Variants in DOCK9 observed in about 807,000 individuals in gnomAD.
DOCK9 encodes the protein dedicator of cytokinesis 9, also known as dedicator of cytokinesis protein 9.
A neutral mutation model predicts 263.3 loss-of-function variants in DOCK9; 89 were observed. The ratio of observed to expected loss-of-function variants is 0.34; its 90% CI spans 0.28 to 0.40. The LOEUF is 0.40. DOCK9 is among the 10% of genes least tolerant of loss of function. The probability of loss-of-function intolerance (pLI) is 1.00; values close to 1 mark genes in which losing one functional copy is unlikely to be tolerated. For synonymous variants in DOCK9, 976 were observed against 973.1 expected (o/e 1.00, Z -0.06); for missense variants, 2,140 against 2,603.4 (o/e 0.82, Z 3.87).
intron 1 of DOCK9, among the ~76,000 whole-genome samples, chr13:99,061,271 A>G (rs188925802): frequency 1.3e-5 from 2 of 152,312 alleles, no homozygotes; most frequent in African/African-American, 4.8e-5. Flanking sequence ...AAGGATGTCA[A>G]GGACTGCTGT....
intron 1 of DOCK9, among the ~76,000 whole-genome samples, chr13:99,079,957 T>C (rs1046686355): frequency 1.3e-5 from 2 of 152,160 alleles, no homozygotes; most frequent in African/African-American, 4.8e-5. Context: ...GGAGAATCAC[T>C]TGAGCCCGGA....
chr13:98,995,089 T>C (rs1382773476), intron 1 of DOCK9, among the ~76,000 whole-genome samples: 2 of 152,216 alleles, frequency 1.3e-5, no homozygotes, highest in African/African-American at 4.8e-5. Context: ...TAGAAGTGTA[T>C]CTGCTAGATA....
chr13:99,084,994 G>A (rs1207588256), intron 1 of DOCK9, among the ~76,000 whole-genome samples: 1 of 152,186 alleles, frequency 6.6e-6, no homozygotes, highest in Non-Finnish European at 1.5e-5. Context: ...TGTTTACTAT[G>A]GATCAAACTG....
intron 1 of DOCK9, among the ~76,000 whole-genome samples, chr13:99,019,619 ATT>A (rs1007528436): frequency 2.0e-5 from 3 of 152,156 alleles, no homozygotes; most frequent in African/African-American, 7.2e-5. Context: ...CTCTCAAGCC[ATT>A]TTAGGACCTC....
At chr13:98,820,424 A>C (rs1334393644) in intron 45 of DOCK9, among the ~76,000 whole-genome samples, 1 of 152,230 alleles carries the variant, frequency 6.6e-6, no homozygotes, top group Non-Finnish European at 1.5e-5. Context: ...AGGGGTCCCA[A>C]TCCAGATCCC....
At chr13:98,874,316 A>G (rs2094269613) in intron 27 of DOCK9, among the ~76,000 whole-genome samples, 1 of 152,194 alleles carries the variant, frequency 6.6e-6, no homozygotes, top group Admixed American at 6.5e-5. Context: ...TGCATGACTC[A>G]CTACTTTGTT....
At chr13:99,017,232 T>C (rs1885530011) in intron 1 of DOCK9, among the ~76,000 whole-genome samples, 1 of 152,298 alleles carries the variant, frequency 6.6e-6, no homozygotes, top group South Asian at 2.1e-4. Flanking sequence ...AGAATCTTCA[T>C]GCGAAATCAC....
intron 44 of DOCK9, among the ~76,000 whole-genome samples, chr13:98,826,189 G>A (rs770458334): frequency 5.4e-4 from 82 of 152,050 alleles, no homozygotes; most frequent in Non-Finnish European, 1.0e-3. Context: ...TGTAACTCAC[G>A]CAGACTACCA....
Position 98,957,872 on chromosome 13 carries a change from G to C in DOCK9, c.127-2321C>G, listed in dbSNP as rs376558915. 1.6e-3 allele frequency among the ~76,000 whole-genome samples: 237 copies of C among 152,308 alleles called. 8 individuals are homozygous for C. The South Asian group carries it at 0.046, about 30-fold the overall frequency. ...ACTCCATGTTCTCCCTGGCTTATGT[G>C]GTGGCTGCCCCATAACCACAGGCCA... On this transcript the variant is annotated intron_variant, in intron 1 of 52. Coordinates refer to ENST00000682017, the MANE Select transcript of DOCK9 (RefSeq NM_001366683.2).
intron 24 of DOCK9, 76 bp from the exon 25 acceptor site, chr13:98,881,703 G>C: frequency 7.0e-7 from 1 of 1,420,702 alleles, no homozygotes; most frequent in Non-Finnish European, 9.7e-7. Context: ...AGCAGTAGTA[G>C]AACAATGATG....
intron 35 of DOCK9, among the ~76,000 whole-genome samples, chr13:98,850,755 A>G (rs1337585678): frequency 1.3e-5 from 2 of 152,216 alleles, no homozygotes; most frequent in Non-Finnish European, 2.9e-5. Context: ...TACCTACAGG[A>G]TAAGTTCTCT....
At chr13:98,959,285 G>C (rs1407532619) in intron 1 of DOCK9, 1 of 152,216 alleles carries the variant, frequency 6.6e-6, no homozygotes, top group Non-Finnish European at 1.5e-5. Flanking sequence ...GTTAAAGACT[G>C]GTCATGCAGT....
chr13:98,857,202 G>A (rs1006617371), intron 33 of DOCK9: 1 of 152,256 alleles, frequency 6.6e-6, no homozygotes, highest in Non-Finnish European at 1.5e-5. Context: ...TCTGGCAGCT[G>A]TGAGCACACA....
Position 98,962,633 on chromosome 13 carries a change from G to GTT in DOCK9, c.127-7084_127-7083dup, listed in dbSNP as rs34564280. Among the ~76,000 whole-genome samples, 438 of 145,264 alleles carry GTT rather than the reference G, an allele frequency of 3.0e-3. 5 individuals are homozygous for GTT. Among genetic ancestry groups the GTT allele is most frequent in the African/African-American group, 0.01 (403 of 39,338 alleles). ...ATTAAATATGTTGCTTGCATGATAG[G>GTT]TTTTAAAAAAAAAAAAAAGAAAAAA... On this transcript the variant is annotated intron_variant, in intron 1 of 52. Coordinates refer to ENST00000682017, the MANE Select transcript of DOCK9 (RefSeq NM_001366683.2).
chr13:99,047,517 C>CTT lies in DOCK9; in HGVS notation c.129+38704_129+38705dup, dbSNP rs80048308. 7.8e-3 allele frequency among the ~76,000 whole-genome samples: 996 copies of CTT among 126,980 alleles called. 25 individuals carry two copies. The highest frequency in any genetic ancestry group is 0.048 in the East Asian group (205 of 4,308). The allele number at this position is 126,980 out of a possible 152,430, so 83.3% of individuals were successfully genotyped here. On this transcript the variant is annotated intron_variant, in intron 1 of 32. Coordinates refer to the DOCK9 transcript ENST00000427887. The stretch of plus-strand genomic sequence containing the variant: ...TTTCTGAGAATCAGTGGTTCTAATC[C>CTT]TTTTTTTTTTTTTTTTTTTGAGACG...
chr13:98,819,896 G>A (rs566477543), intron 45 of DOCK9, among the ~76,000 whole-genome samples: 2 of 152,300 alleles, frequency 1.3e-5, no homozygotes, highest in African/African-American at 2.4e-5. Context: ...CAATTTTGAC[G>A]AATAGAAGCC....
At chr13:98,988,997 T>C (rs1379359732) in intron 1 of DOCK9, among the ~76,000 whole-genome samples, 1 of 152,170 alleles carries the variant, frequency 6.6e-6, no homozygotes, top group Non-Finnish European at 1.5e-5. Flanking sequence ...TGACACACCC[T>C]GGCCCTTCCT....
At chr13:98,926,009 C>T in intron 3 of DOCK9, 90 bp from the exon 4 acceptor site, 2 of 1,092,098 alleles carry the variant, frequency 1.8e-6, no homozygotes, top group Non-Finnish European at 2.5e-6. Context: ...AAGGCATACC[C>T]ATAGAAACAT....
At chr13:98,845,496 G>A in intron 38 of DOCK9, 1 of 525,904 alleles carries the variant, frequency 1.9e-6, no homozygotes, top group Non-Finnish European at 3.0e-6. Context: ...TGGAATGTCA[G>A]AATGTGGACG....
Sources: gnomAD v4.1 joint callset for allele counts (sites outside exome capture counted in the v4.1 genomes callset) on GRCh38, gnomAD v4.1.1 for gene constraint, MANE v1.5 for transcripts, NCBI Gene and HGNC (gene_info 2026-07-23, HGNC 2026-07-21) for gene names.